Variants in COL25A1 observed in about 807,000 individuals in gnomAD.
The protein encoded by COL25A1 is collagen alpha-1(XXV) chain.
A neutral mutation model predicts 128.4 loss-of-function variants in COL25A1; 103 were observed. The ratio of observed to expected loss-of-function variants is 0.80; its 90% confidence interval spans 0.68 to 0.94. The LOEUF (loss-of-function observed/expected upper bound fraction) is 0.94, where lower values mean the gene tolerates loss of function less well. COL25A1 is among the 40% of genes least tolerant of loss of function. The pLI is 0.00. For missense variants in COL25A1, 745 were observed against 840.0 expected (o/e 0.89, Z 1.40); for synonymous variants, 279 against 277.2 (o/e 1.01, Z -0.06).
At chr4:108,917,122 C>T (rs1012474612) in intron 13 of COL25A1, among the ~76,000 whole-genome samples, 10 of 152,080 alleles carry the variant, frequency 6.6e-5, no homozygotes, top group African/African-American at 2.4e-4. Context: ...GAAACTGAGG[C>T]CAGAGAATTC....
chr4:109,141,458 T>G (rs1367105878), intron 3 of COL25A1, among the ~76,000 whole-genome samples: 1 of 152,174 alleles, frequency 6.6e-6, no homozygotes, highest in Non-Finnish European at 1.5e-5. Context: ...TAGAATTAGT[T>G]AGGGGAGATT....
intron 3 of COL25A1, among the ~76,000 whole-genome samples, chr4:109,155,370 C>T (rs545913266): frequency 5.3e-5 from 8 of 152,288 alleles, no homozygotes; most frequent in Non-Finnish European, 8.8e-5. Flanking sequence ...TCATAAATTA[C>T]TTCTTGGGCT....
intron 3 of COL25A1, among the ~76,000 whole-genome samples, chr4:109,273,769 G>A (rs1385897531): frequency 5.9e-5 from 9 of 152,100 alleles, no homozygotes; most frequent in Non-Finnish European, 1.2e-4. Flanking sequence ...TGGGCAAAGA[G>A]CCTTACCCCT....
intron 8 of COL25A1, among the ~76,000 whole-genome samples, chr4:108,949,494 C>T (rs1418584223): frequency 6.6e-6 from 1 of 152,040 alleles, no homozygotes; most frequent in Non-Finnish European, 1.5e-5. Context: ...ACAACCTGCT[C>T]CAGTGTCAAC....
intron 5 of COL25A1, 98 bp downstream of exon 5, chr4:109,048,070 T>C: frequency 7.5e-7 from 1 of 1,335,650 alleles, no homozygotes; most frequent in South Asian, 1.2e-5. Context: ...AACATTTTTC[T>C]AATAGACATA....
rs201882427 is a variant in COL25A1, at chr4:108,841,706, G to A, written c.1645C>T (p.Pro549Ser). The A allele has an allele frequency of 7.4e-6, 12 of 1,612,168 alleles. No individual in the cohort carries two copies. In the African/African-American group the frequency reaches 1.6e-4, roughly 21 times the overall value. The part of the protein sequence containing the change: ...PPGPMGPHGL[P>S]GPKGTDGPMG... ...ATTTGTTGGATTACCTTTGGTCCAG[G>A]AAGTCCATGAGGTCCCTGAAAATGG... is the stretch of plus-strand genomic sequence containing the variant. Residue 549 changes from proline (P) to serine (S), a missense_variant, in exon 31 of 38, where the codon CCT becomes TCT. Physicochemically the swap from Pro to Ser is moderately conservative, Grantham distance 74. This residue lies in a region of COL25A1 where 387 missense variants were observed against 441.9 expected (regional missense o/e 0.88). Transcript: ENST00000399132.
At chr4:109,008,633 T>A (rs1412337730) in intron 6 of COL25A1, among the ~76,000 whole-genome samples, 2 of 152,190 alleles carry the variant, frequency 1.3e-5, no homozygotes, top group Non-Finnish European at 2.9e-5. Context: ...TTTCAAGGGC[T>A]GAGCACTACA....
intron 6 of COL25A1, among the ~76,000 whole-genome samples, chr4:108,983,454 T>G (rs1753242040): frequency 6.6e-6 from 1 of 152,200 alleles, no homozygotes; most frequent in Non-Finnish European, 1.5e-5. Context: ...TCCTAATATA[T>G]TGTCCCAACA....
chr4:109,014,899 A>C (rs1157634631), intron 5 of COL25A1, among the ~76,000 whole-genome samples: 3 of 152,228 alleles, frequency 2.0e-5, no homozygotes, highest in Admixed American at 2.0e-4. Flanking sequence ...CCACTCTTCT[A>C]TGAGATTCCA....
intron 5 of COL25A1, among the ~76,000 whole-genome samples, chr4:109,045,459 T>A (rs1760344113): frequency 6.6e-6 from 1 of 152,204 alleles, no homozygotes; most frequent in South Asian, 2.1e-4. Context: ...TTAACTGTAA[T>A]AATCCCATTG....
intron 3 of COL25A1, among the ~76,000 whole-genome samples, chr4:109,254,314 T>C (rs1780896277): frequency 6.6e-6 from 1 of 150,686 alleles, no homozygotes; most frequent in African/African-American, 2.4e-5. Flanking sequence ...ATTACTATTA[T>C]TATTGTTTAT....
At chr4:108,988,554 T>G (rs553210475) in intron 6 of COL25A1, among the ~76,000 whole-genome samples, 1 of 152,302 alleles carries the variant, frequency 6.6e-6, no homozygotes, top group East Asian at 1.9e-4. Context: ...ATGAACAGTA[T>G]TCAATGAAAT....
intron 3 of COL25A1, among the ~76,000 whole-genome samples, chr4:109,097,550 T>C (rs780641997): frequency 3.3e-5 from 5 of 150,746 alleles, no homozygotes; most frequent in Non-Finnish European, 7.4e-5. Context: ...CAGGCAAAGG[T>C]TGCAGTGAGC....
intron 13 of COL25A1, among the ~76,000 whole-genome samples, chr4:108,903,451 A>C (rs958413673): frequency 3.9e-5 from 6 of 152,036 alleles, no homozygotes; most frequent in African/African-American, 1.4e-4. Flanking sequence ...TGAATAGTTT[A>C]ATCATCTATC....
chr4:108,822,043 A>ATTTTTTTTTTTTTTTT (rs10567518), intron 35 of COL25A1, among the ~76,000 whole-genome samples: 5,331 of 88,806 alleles, frequency 0.06, 878 homozygotes, highest in Non-Finnish European at 0.085. Context: ...CCTAATGGTA[A>ATTTTTTTTTTTTTTTT]TTTTTTTTTT....
intron 35 of COL25A1, among the ~76,000 whole-genome samples, chr4:108,823,201 A>G (rs1298436681): frequency 6.6e-6 from 1 of 152,252 alleles, no homozygotes; most frequent in Non-Finnish European, 1.5e-5. Context: ...GAGAAATATA[A>G]GGTTTAAATT....
At chr4:108,822,375 A>G (rs1731882795) in intron 35 of COL25A1, among the ~76,000 whole-genome samples, 1 of 151,746 alleles carries the variant, frequency 6.6e-6, no homozygotes, top group South Asian at 2.1e-4. Flanking sequence ...AAGATTTTAG[A>G]CTCATACAAC....
chr4:108,831,036 A>T (rs188248997), intron 32 of COL25A1, among the ~76,000 whole-genome samples: 96 of 152,334 alleles, frequency 6.3e-4, no homozygotes, highest in African/African-American at 2.0e-3. Context: ...GGATAAAGCC[A>T]ATCTTCATCA....
chr4:109,025,005 G>T (rs1758122394), intron 5 of COL25A1, among the ~76,000 whole-genome samples: 1 of 152,146 alleles, frequency 6.6e-6, no homozygotes, highest in African/African-American at 2.4e-5. Context: ...TAGGCATAGA[G>T]GCCCTTGGAT....
Sources: gnomAD v4.1 joint callset for allele counts (sites outside exome capture counted in the v4.1 genomes callset) on GRCh38, gnomAD v4.1.1 for gene constraint, gnomAD v4.1.1 regional missense constraint, MANE v1.5 for transcripts, NCBI Gene and HGNC (gene_info 2026-07-23, HGNC 2026-07-21) for gene names.